The following JAZF1 variants were observed in gnomAD, a reference collection of about 807,000 sequenced individuals.
JAZF1 encodes juxtaposed with another zinc finger protein 1.
Under a neutral mutation model 26.4 loss-of-function variants are expected in JAZF1, and 8 were observed. The ratio of observed to expected loss-of-function variants is 0.30; its 90% CI spans 0.18 to 0.55. JAZF1 has a LOEUF of 0.55. Ranked by LOEUF, JAZF1 falls within the 20% of genes least tolerant of loss-of-function variation. The pLI is 0.94. For synonymous variants in JAZF1, 126 were observed against 122.3 expected (o/e 1.03, Z -0.20); for missense variants, 199 against 322.0 (o/e 0.62, Z 2.92).
chr7:27,849,772 C>CACACACACACACACACACACATAT lies in JAZF1; in HGVS notation c.386-8906_386-8905insATATGTGTGTGTGTGTGTGTGTGT, dbSNP rs140580370. ...ACACAGACACACACACACACACACA[C>CACACACACACACACACACACATAT]ACCCCTACACCTCTTCCCGGCCGCC... On this transcript the variant is annotated intron_variant, in intron 3 of 4. Transcript: ENST00000283928. Among the ~76,000 whole-genome samples the CACACACACACACACACACACATAT allele has an allele frequency of 1.2e-3, 181 of 147,102 alleles. 1 individual carries two copies. Among genetic ancestry groups the CACACACACACACACACACACATAT allele is most frequent in the African/African-American group, 4.5e-3 (175 of 38,590 alleles).
At chr7:27,962,292 T>C (rs1313157407) in intron 2 of JAZF1, among the ~76,000 whole-genome samples, 1 of 152,216 alleles carries the variant, frequency 6.6e-6, no homozygotes, top group Non-Finnish European at 1.5e-5. Context: ...GTTGATGTTA[T>C]GTTAAAAAAG....
intron 1 of JAZF1, among the ~76,000 whole-genome samples, chr7:28,092,290 CAAAAAAAAAAAAAAAAAAAAA>C (rs749913273): frequency 5.5e-4 from 7 of 12,786 alleles, no homozygotes; most frequent in Admixed American, 1.3e-3. Flanking sequence ...GGACAAAAGG[CAAAAAAAAAAAAAAAAAAAAA>C]AAAAAAAAAA....
At chr7:27,961,753 T>G (rs977654940) in intron 2 of JAZF1, among the ~76,000 whole-genome samples, 4 of 152,196 alleles carry the variant, frequency 2.6e-5, no homozygotes, top group Admixed American at 2.0e-4. Context: ...CATTGTCATT[T>G]AAACAGTTCC....
chr7:27,848,277 C>T (rs990424659), intron 3 of JAZF1, among the ~76,000 whole-genome samples: 2 of 152,156 alleles, frequency 1.3e-5, no homozygotes, highest in Admixed American at 1.3e-4. Flanking sequence ...CTTTCACCTC[C>T]TCATTAAATT....
intron 1 of JAZF1, among the ~76,000 whole-genome samples, chr7:28,161,083 C>T (rs906686665): frequency 7.9e-5 from 12 of 151,918 alleles, no homozygotes; most frequent in African/African-American, 2.9e-4. Context: ...TCAGCTTCCT[C>T]GTTTGTAAAT....
At chr7:28,110,448 A>AAAAGGAAAGGAAAGGAAAGG (rs147739964) in intron 1 of JAZF1, among the ~76,000 whole-genome samples, 10 of 64,062 alleles carry the variant, frequency 1.6e-4, no homozygotes, top group South Asian at 6.5e-4. Context: ...GAGAGAGAGA[A>AAAAGGAAAGGAAAGGAAAGG]AAAGGAAAGG....
At chr7:27,908,849 C>T (rs374035270) in intron 2 of JAZF1, among the ~76,000 whole-genome samples, 1 of 152,142 alleles carries the variant, frequency 6.6e-6, no homozygotes. Flanking sequence ...TTGCCTGATT[C>T]GAGAATCACA....
chr7:27,995,444 T>C (rs1785995506), intron 1 of JAZF1, among the ~76,000 whole-genome samples: 1 of 152,186 alleles, frequency 6.6e-6, no homozygotes, highest in Non-Finnish European at 1.5e-5. Flanking sequence ...ACTTCAACTT[T>C]TTTTTAGCAG....
chr7:27,862,242 T>TA (rs1225689349), intron 3 of JAZF1, among the ~76,000 whole-genome samples: 1 of 152,126 alleles, frequency 6.6e-6, no homozygotes, highest in Non-Finnish European at 1.5e-5. Flanking sequence ...ATCTAGGGGG[T>TA]ACACATGCAG....
At chr7:27,835,443 CATT>C (rs1782787434) in intron 4 of JAZF1, among the ~76,000 whole-genome samples, 1 of 152,140 alleles carries the variant, frequency 6.6e-6, no homozygotes, top group Non-Finnish European at 1.5e-5. Flanking sequence ...TGAATGTAAA[CATT>C]ATGTTGTGTG....
intron 3 of JAZF1, 113 bp downstream of exon 3, chr7:27,895,107 G>A (rs1562521591): frequency 1.9e-6 from 1 of 514,716 alleles, no homozygotes; most frequent in Non-Finnish European, 3.3e-6. Context: ...TCAACGATGT[G>A]GTGGGTCTGT....
At chr7:27,938,367 G>A (rs1784789406) in intron 2 of JAZF1, among the ~76,000 whole-genome samples, 1 of 152,194 alleles carries the variant, frequency 6.6e-6, no homozygotes, top group Non-Finnish European at 1.5e-5. Context: ...AAACACCAAA[G>A]CATCTGTGTC....
intron 1 of JAZF1, among the ~76,000 whole-genome samples, chr7:28,036,827 G>A (rs935414025): frequency 2.0e-5 from 3 of 152,224 alleles, no homozygotes; most frequent in African/African-American, 7.2e-5. Flanking sequence ...TATGGTCAGG[G>A]ATGGGGAGAA....
chr7:28,178,198 T>G (rs898147195), intron 1 of JAZF1, among the ~76,000 whole-genome samples: 9 of 152,152 alleles, frequency 5.9e-5, no homozygotes, highest in Non-Finnish European at 1.2e-4. Flanking sequence ...TTAGAAAACG[T>G]ATCAAACTCT....
At chr7:27,899,151 T>C (rs1162602524) in intron 2 of JAZF1, among the ~76,000 whole-genome samples, 1 of 152,242 alleles carries the variant, frequency 6.6e-6, no homozygotes, top group East Asian at 1.9e-4. Flanking sequence ...CAATGTTCCA[T>C]CAGCACAGCT....
At chr7:27,854,718 T>C (rs1302927500) in intron 3 of JAZF1, among the ~76,000 whole-genome samples, 1 of 152,236 alleles carries the variant, frequency 6.6e-6, no homozygotes, top group Non-Finnish European at 1.5e-5. Flanking sequence ...CTGGCTTGTA[T>C]GGTTTCTGCA....
intron 2 of JAZF1, among the ~76,000 whole-genome samples, chr7:27,962,280 T>C (rs1483026339): frequency 6.6e-6 from 1 of 152,186 alleles, no homozygotes; most frequent in African/African-American, 2.4e-5. Flanking sequence ...AGATGTGCCT[T>C]TGTTGATGTT....
intron 1 of JAZF1, among the ~76,000 whole-genome samples, chr7:28,030,287 A>C (rs1374025169): frequency 6.6e-6 from 1 of 152,240 alleles, no homozygotes. Flanking sequence ...AAACAAATCA[A>C]TGCGGACAGG....
At chr7:28,025,114 C>T (rs1267927563) in intron 1 of JAZF1, among the ~76,000 whole-genome samples, 1 of 152,188 alleles carries the variant, frequency 6.6e-6, no homozygotes, top group African/African-American at 2.4e-5. Context: ...ACCTGGTGAC[C>T]CAGCAACAAT....
Sources: gnomAD v4.1 joint callset for allele counts (sites outside exome capture counted in the v4.1 genomes callset) on GRCh38, gnomAD v4.1.1 for gene constraint, MANE v1.5 for transcripts, NCBI Gene and HGNC (gene_info 2026-07-23, HGNC 2026-07-21) for gene names.